The following CEP128 variants were observed in gnomAD, a reference collection of about 807,000 sequenced individuals.
The protein encoded by CEP128 is centrosomal protein 128.
CEP128 carries 132 observed loss-of-function variants against 156.7 expected under a neutral mutation model. The ratio of observed to expected loss-of-function variants is 0.84; its 90% confidence interval spans 0.73 to 0.97. The LOEUF is 0.97. CEP128 is among the 50% of genes least tolerant of loss of function. The probability of loss-of-function intolerance (pLI) is 0.00; values close to 1 mark genes in which losing one functional copy is unlikely to be tolerated. For missense variants in CEP128, 1,252 were observed against 1,281.9 expected (o/e 0.98, Z 0.36); for synonymous variants, 469 against 448.9 (o/e 1.04, Z -0.57).
chr14:80,788,450 TAAAC>T (rs957066522), intron 14 of CEP128, among the ~76,000 whole-genome samples: 16 of 151,924 alleles, frequency 1.1e-4, no homozygotes, highest in African/African-American at 3.4e-4. Flanking sequence ...CTCCCCACCT[TAAAC>T]AAACAAACAG....
chr14:80,642,983 T>A (rs918098088), intron 19 of CEP128, among the ~76,000 whole-genome samples: 1 of 152,024 alleles, frequency 6.6e-6, no homozygotes, highest in Non-Finnish European at 1.5e-5. Context: ...CTGGATCTCC[T>A]GACCTCGTGA....
At chr14:80,948,599 A>C (rs1594879147) in intron 2 of CEP128, among the ~76,000 whole-genome samples, 1 of 152,370 alleles carries the variant, frequency 6.6e-6, no homozygotes, top group Middle Eastern at 3.4e-3. Context: ...ACAGAGGCAT[A>C]AATTGCCAAA....
intron 15 of CEP128, among the ~76,000 whole-genome samples, chr14:80,779,891 G>A (rs1901010269): frequency 6.6e-6 from 1 of 152,150 alleles, no homozygotes; most frequent in South Asian, 2.1e-4. Context: ...TATTTTAACA[G>A]TGAGGCATAA....
chr14:80,953,205 A>C (rs1355448416), intron 2 of CEP128, among the ~76,000 whole-genome samples: 3 of 152,270 alleles, frequency 2.0e-5, no homozygotes, highest in Non-Finnish European at 4.4e-5. Flanking sequence ...ACAGAAAAGA[A>C]AATAACAGAC....
At chr14:80,872,561 T>C (rs1183907658) in intron 8 of CEP128, among the ~76,000 whole-genome samples, 1 of 152,204 alleles carries the variant, frequency 6.6e-6, no homozygotes, top group African/African-American at 2.4e-5. Context: ...GGCTTACCAG[T>C]AGAAAGTGAA....
At chr14:80,724,722 C>T (rs1474207691) in intron 19 of CEP128, among the ~76,000 whole-genome samples, 1 of 151,934 alleles carries the variant, frequency 6.6e-6, no homozygotes, top group African/African-American at 2.4e-5. Context: ...TCAACTGAAA[C>T]TCAGACACTC....
At chr14:80,537,635 G>A (rs1476450155) in intron 21 of CEP128, among the ~76,000 whole-genome samples, 1 of 152,074 alleles carries the variant, frequency 6.6e-6, no homozygotes, top group African/African-American at 2.4e-5. Flanking sequence ...AACATAAAAT[G>A]TACTCACAAG....
chr14:80,904,765 G>T, intron 6 of CEP128, 48 bp downstream of exon 6: 1 of 1,001,590 alleles, frequency 1.0e-6, no homozygotes, highest in Non-Finnish European at 1.6e-6. Context: ...ATATACAATA[G>T]AAGCATAAGG....
At chr14:80,868,431 G>A (rs1449690578) in intron 8 of CEP128, among the ~76,000 whole-genome samples, 1 of 152,106 alleles carries the variant, frequency 6.6e-6, no homozygotes, top group Admixed American at 6.5e-5. Flanking sequence ...GTTGTCATCA[G>A]CTTAAAATAG....
At chr14:80,567,727 A>G (rs1890974532) in intron 20 of CEP128, among the ~76,000 whole-genome samples, 1 of 152,178 alleles carries the variant, frequency 6.6e-6, no homozygotes, top group Non-Finnish European at 1.5e-5. Context: ...GTAACAGGTA[A>G]CAAAGGTGAG....
intron 19 of CEP128, among the ~76,000 whole-genome samples, chr14:80,677,508 C>CAAAAAAAAAAAAAAAAAAAAA (rs57636757): frequency 1.1e-5 from 1 of 94,062 alleles, no homozygotes; most frequent in African/African-American, 3.6e-5. Context: ...GACTCCGTCT[C>CAAAAAAAAAAAAAAAAAAAAA]AAAAAAAAAA....
intron 18 of CEP128, among the ~76,000 whole-genome samples, chr14:80,748,114 G>C (rs1384009696): frequency 6.6e-6 from 1 of 152,158 alleles, no homozygotes; most frequent in African/African-American, 2.4e-5. Context: ...GAATAAACGA[G>C]ACCTGGCTAC....
intron 19 of CEP128, among the ~76,000 whole-genome samples, chr14:80,669,724 TC>T (rs1895763574): frequency 6.6e-6 from 1 of 152,188 alleles, no homozygotes. Flanking sequence ...TGTAGTACAA[TC>T]TCTATGAAAA....
At chr14:80,882,218 T>A (rs1049003298) in intron 8 of CEP128, among the ~76,000 whole-genome samples, 1 of 151,280 alleles carries the variant, frequency 6.6e-6, no homozygotes, top group Admixed American at 6.6e-5. Context: ...ATCAAACAAC[T>A]CTATCAGAAA....
chr14:80,592,041 C>T (rs1463103188), intron 19 of CEP128, among the ~76,000 whole-genome samples: 9 of 152,084 alleles, frequency 5.9e-5, no homozygotes, highest in Non-Finnish European at 1.3e-4. Flanking sequence ...TAAATGCCCA[C>T]AAGAGAAAGC....
rs141692732 is a variant in CEP128 at position 80,520,474 on chromosome 14, C to T, written c.3072+6395G>A. Among the ~76,000 whole-genome samples the T allele has an allele frequency of 9.9e-3, 1,504 of 151,980 alleles. 10 individuals are homozygous for T. Among genetic ancestry groups the T allele is most frequent in the Non-Finnish European group, 0.016 (1,097 of 67,940 alleles). ...AACATTCATTTACCCTATTAACAGA[C>T]TTATGAAAATACTATTCTAGATAAA... is the stretch of plus-strand genomic sequence containing the variant. On this transcript the variant is annotated intron_variant, in intron 23 of 24. Transcript: ENST00000555265.
chr14:80,606,365 A>C (rs183697900), intron 19 of CEP128, among the ~76,000 whole-genome samples: 2 of 152,148 alleles, frequency 1.3e-5, no homozygotes, highest in Non-Finnish European at 2.9e-5. Context: ...GGAAAATGCA[A>C]AAAATATAGA....
intron 9 of CEP128, among the ~76,000 whole-genome samples, chr14:80,853,121 T>G (rs563622479): frequency 6.6e-6 from 1 of 151,742 alleles, no homozygotes; most frequent in South Asian, 2.1e-4. Context: ...AGCAAACATC[T>G]CTTGGCAACC....
At chr14:80,915,121 G>A (rs1429491372) in intron 3 of CEP128, among the ~76,000 whole-genome samples, 1 of 152,112 alleles carries the variant, frequency 6.6e-6, no homozygotes, top group Non-Finnish European at 1.5e-5. Context: ...GCATGATCAT[G>A]GCTCACTGCA....
Sources: allele counts gnomAD v4.1 joint callset (sites outside exome capture counted in the v4.1 genomes callset), GRCh38; gene constraint gnomAD v4.1.1; transcripts MANE v1.5; gene names NCBI Gene and HGNC (gene_info 2026-07-23, HGNC 2026-07-21).